Variants in PLCG2 observed in about 807,000 individuals in gnomAD.
The protein encoded by PLCG2 is 1-phosphatidylinositol 4,5-bisphosphate phosphodiesterase gamma-2.
PLCG2 carries 69 observed loss-of-function variants against 175.6 expected under a neutral mutation model. The observed-to-expected ratio is 0.39, with a 90% CI of 0.32 to 0.48. PLCG2 has a LOEUF of 0.48. Among genes scored for constraint, PLCG2 ranks in the 20% least tolerant of loss-of-function variants. The pLI is 0.91. For missense variants in PLCG2, 1,798 were observed against 1,650.9 expected (o/e 1.09, Z -1.54); for synonymous variants, 827 against 624.0 (o/e 1.33, Z -4.85).
At chr16:81,837,052 C>G (rs1177477341) in intron 2 of PLCG2, among the ~76,000 whole-genome samples, 1 of 152,190 alleles carries the variant, frequency 6.6e-6, no homozygotes, top group East Asian at 1.9e-4. Context: ...AGTTACAACT[C>G]TAGAATTTAT....
intron 6 of PLCG2, among the ~76,000 whole-genome samples, chr16:81,870,476 A>T (rs1258814698): frequency 1.3e-5 from 2 of 152,222 alleles, no homozygotes; most frequent in African/African-American, 4.8e-5. Context: ...TGCCCAAAAA[A>T]GGAGGAGTTA....
chr16:81,895,559 T>TAAA, intron 12 of PLCG2: 6 of 359,496 alleles, frequency 1.7e-5, no homozygotes, highest in South Asian at 7.7e-5. Flanking sequence ...GACTCTGTCT[T>TAAA]AAAAAAAAAA....
chr16:81,902,623 A>G (rs1909198450), intron 14 of PLCG2, among the ~76,000 whole-genome samples: 1 of 152,090 alleles, frequency 6.6e-6, no homozygotes, highest in East Asian at 1.9e-4. Context: ...CCCACTTATG[A>G]GAGCTCTACC....
intron 2 of PLCG2, among the ~76,000 whole-genome samples, chr16:81,766,060 G>C (rs1179050084): frequency 6.6e-6 from 1 of 152,128 alleles, no homozygotes; most frequent in Middle Eastern, 3.2e-3. Context: ...GCCTTCCCAG[G>C]TGTGTCCTAC....
intron 2 of PLCG2, among the ~76,000 whole-genome samples, chr16:81,822,131 A>C (rs1229379052): frequency 6.6e-6 from 1 of 151,988 alleles, no homozygotes; most frequent in Non-Finnish European, 1.5e-5. Context: ...TGCTTGCCCT[A>C]GAGCTTGTTA....
Position 81,953,380 on chromosome 16 carries a change from G to T in PLCG2, c.3571-3315G>T, listed in dbSNP as rs117130976. The stretch of plus-strand genomic sequence containing the variant: ...TAACACTGTGGAGTCTAGGTGGTTG[G>T]GGTATGTGAGAACATTGTACTATTA... On this transcript the variant is annotated intron_variant, in intron 31 of 32. Transcript: ENST00000564138. Among the ~76,000 whole-genome samples the T allele has an allele frequency of 7.2e-5, 11 of 152,166 alleles. No individual in the cohort carries two copies. The East Asian group carries it at 2.1e-3, about 29-fold the overall frequency.
At chr16:81,759,879 C>T (rs1311902332) in intron 2 of PLCG2, among the ~76,000 whole-genome samples, 2 of 152,236 alleles carry the variant, frequency 1.3e-5, no homozygotes, top group Non-Finnish European at 2.9e-5. Context: ...GTAATCCCAG[C>T]ACTTTGGGAG....
intron 2 of PLCG2, among the ~76,000 whole-genome samples, chr16:81,792,515 A>G (rs951297505): frequency 6.7e-6 from 1 of 148,470 alleles, no homozygotes; most frequent in South Asian, 2.1e-4. Context: ...AAAAAAAGAC[A>G]AAACAAAACA....
At chr16:81,937,947 C>A (rs754101488) in intron 28 of PLCG2, 44 bp downstream of exon 28, 3 of 1,601,066 alleles carry the variant, frequency 1.9e-6, no homozygotes, top group Non-Finnish European at 2.6e-6. Flanking sequence ...CAGCCGCCCT[C>A]CCTGGGGGCT....
chr16:81,752,316 G>T (rs1027800051), intron 1 of PLCG2, among the ~76,000 whole-genome samples: 1 of 152,130 alleles, frequency 6.6e-6, no homozygotes, highest in Non-Finnish European at 1.5e-5. Context: ...AGAAGCACCC[G>T]GCCAGCTCTG....
intron 2 of PLCG2, among the ~76,000 whole-genome samples, chr16:81,808,464 C>T (rs1055406232): frequency 6.6e-6 from 1 of 152,110 alleles, no homozygotes. Flanking sequence ...AGCTCTGCCA[C>T]CTACCACTGT....
intron 2 of PLCG2, among the ~76,000 whole-genome samples, chr16:81,817,865 G>A (rs539490905): frequency 6.6e-6 from 1 of 152,374 alleles, no homozygotes; most frequent in Non-Finnish European, 1.5e-5. Context: ...AATGAGACAA[G>A]CTCCCTGTGC....
intron 5 of PLCG2, among the ~76,000 whole-genome samples, chr16:81,861,729 G>A (rs1392769348): frequency 6.6e-6 from 1 of 152,212 alleles, no homozygotes; most frequent in African/African-American, 2.4e-5. Flanking sequence ...ACAGGGCTGA[G>A]AGAGGGAGCC....
chr16:81,834,494 TTGA>T (rs749802334), intron 2 of PLCG2, among the ~76,000 whole-genome samples: 24 of 151,756 alleles, frequency 1.6e-4, no homozygotes, highest in Non-Finnish European at 3.1e-4. Context: ...CAAAATGGAG[TTGA>T]TGATAATGGT....
intron 2 of PLCG2, among the ~76,000 whole-genome samples, chr16:81,761,504 G>A (rs906749269): frequency 6.6e-6 from 1 of 152,224 alleles, no homozygotes; most frequent in African/African-American, 2.4e-5. Flanking sequence ...CAGCCTGGGA[G>A]CTGACTGCCT....
At chr16:81,788,876 G>A (rs889292262) in intron 2 of PLCG2, among the ~76,000 whole-genome samples, 5 of 152,190 alleles carry the variant, frequency 3.3e-5, no homozygotes, top group African/African-American at 1.2e-4. Flanking sequence ...TGTTGCAGCT[G>A]GGGTGGCCAC....
chr16:81,812,110 C>T (rs9674414), intron 2 of PLCG2, among the ~76,000 whole-genome samples: 146,577 of 147,270 alleles, frequency 1, 72,944 homozygotes, highest in East Asian at 1. Flanking sequence ...ACTGCAGTGG[C>T]GCTATCTCAG....
At chr16:81,886,211 G>A (rs577411843) in intron 9 of PLCG2, among the ~76,000 whole-genome samples, 4 of 152,290 alleles carry the variant, frequency 2.6e-5, no homozygotes, top group Admixed American at 6.5e-5. Flanking sequence ...ACTTTATTAC[G>A]TGCTTTCCCC....
At chr16:81,859,997 G>A (rs543081900) in intron 5 of PLCG2, among the ~76,000 whole-genome samples, 384 of 151,988 alleles carry the variant, frequency 2.5e-3, no homozygotes, top group Middle Eastern at 6.8e-3. Context: ...TAGAGGCAGG[G>A]TCTCTGTCTG....
Sources: gnomAD v4.1 joint callset for allele counts (sites outside exome capture counted in the v4.1 genomes callset) on GRCh38, gnomAD v4.1.1 for gene constraint, MANE v1.5 for transcripts, NCBI Gene and HGNC (gene_info 2026-07-23, HGNC 2026-07-21) for gene names.